The following IL1RAPL2 variants were observed in gnomAD, a reference collection of about 807,000 sequenced individuals.
IL1RAPL2 encodes interleukin 1 receptor accessory protein like 2.
A neutral mutation model predicts 44.1 loss-of-function variants in IL1RAPL2; 3 were observed. That is an observed-to-expected ratio of 0.07 (90% CI 0.03 to 0.18). The LOEUF (loss-of-function observed/expected upper bound fraction) is 0.18, where lower values mean the gene tolerates loss of function less well. Among genes scored for constraint, IL1RAPL2 ranks in the 10% least tolerant of loss-of-function variants. The pLI is 1.00. For missense variants in IL1RAPL2, 391 were observed against 496.4 expected (o/e 0.79, Z 2.02); for synonymous variants, 181 against 178.8 (o/e 1.01, Z -0.10).
chrX:104,778,104 A>G (rs1262879682), intron 2 of IL1RAPL2, among the ~76,000 whole-genome samples: 1 of 110,908 alleles, frequency 9.0e-6, no homozygotes, highest in Non-Finnish European at 1.9e-5. Context: ...TAGTAATATT[A>G]AGCATCTTTT....
intron 2 of IL1RAPL2, among the ~76,000 whole-genome samples, chrX:105,072,485 G>A (rs2032220498): frequency 9.0e-6 from 1 of 111,295 alleles, no homozygotes; most frequent in South Asian, 3.8e-4. Flanking sequence ...AAGACAGGAA[G>A]ATGTGGGAAA....
chrX:105,684,501 G>C (rs1216085287), intron 6 of IL1RAPL2, among the ~76,000 whole-genome samples: 1 of 112,600 alleles, frequency 8.9e-6, no homozygotes, highest in African/African-American at 3.2e-5. Context: ...CGTTGCTGAG[G>C]CTTGAGTAGG....
chrX:105,460,115 C>T (rs1023919341), intron 5 of IL1RAPL2, among the ~76,000 whole-genome samples: 3 of 111,135 alleles, frequency 2.7e-5, no homozygotes, highest in African/African-American at 9.8e-5. Context: ...ATGTCTTCAG[C>T]ACCTGCCCAT....
chrX:104,656,769 G>T (rs1298313066), intron 1 of IL1RAPL2, among the ~76,000 whole-genome samples: 2 of 111,560 alleles, frequency 1.8e-5, no homozygotes, highest in Non-Finnish European at 3.8e-5. Context: ...AATATTGACA[G>T]TGGGGTGTTA....
intron 1 of IL1RAPL2, among the ~76,000 whole-genome samples, chrX:104,582,823 TC>T (rs199756496): frequency 1.0e-3 from 6 of 5,861 alleles, no homozygotes; most frequent in African/African-American, 7.4e-3. Context: ...CCTTTCTTTC[TC>T]TTTCTTTCTT....
intron 6 of IL1RAPL2, among the ~76,000 whole-genome samples, chrX:105,516,132 T>C (rs889307814): frequency 3.6e-5 from 4 of 112,091 alleles, no homozygotes; most frequent in African/African-American, 1.3e-4. Flanking sequence ...ACATTTCCTT[T>C]TGAATGTATA....
chrX:104,908,094 A>AAAC (rs1299021286), intron 2 of IL1RAPL2, among the ~76,000 whole-genome samples: 21 of 109,973 alleles, frequency 1.9e-4, no homozygotes, highest in African/African-American at 6.3e-4. Flanking sequence ...TGTTGGTTTA[A>AAAC]AGTCTGTTTT....
At chrX:104,975,651 A>G (rs1189701485) in intron 2 of IL1RAPL2, among the ~76,000 whole-genome samples, 1 of 112,495 alleles carries the variant, frequency 8.9e-6, no homozygotes, top group Admixed American at 9.4e-5. Context: ...CACACATAGA[A>G]ATTGGCATAT....
chrX:104,776,780 T>G (rs1358492363), intron 2 of IL1RAPL2, among the ~76,000 whole-genome samples: 1 of 112,081 alleles, frequency 8.9e-6, no homozygotes, highest in Non-Finnish European at 1.9e-5. Context: ...CTACACCCAC[T>G]TTTTCCTGTT....
intron 5 of IL1RAPL2, among the ~76,000 whole-genome samples, chrX:105,462,554 A>T (rs1482421880): frequency 9.0e-6 from 1 of 111,458 alleles, no homozygotes; most frequent in African/African-American, 3.3e-5. Context: ...AGAGAAAAAA[A>T]GTGTCTTCTT....
chrX:104,641,624 G>A (rs1340135124), intron 1 of IL1RAPL2, among the ~76,000 whole-genome samples: 1 of 111,616 alleles, frequency 9.0e-6, no homozygotes, highest in East Asian at 2.8e-4. Context: ...CCAGATGCAG[G>A]AGTCCCCACT....
At chrX:104,800,501 A>G (rs1320860558) in intron 2 of IL1RAPL2, among the ~76,000 whole-genome samples, 1 of 112,191 alleles carries the variant, frequency 8.9e-6, no homozygotes, top group Non-Finnish European at 1.9e-5. Flanking sequence ...TCAAAGATAG[A>G]ATTAATAAGA....
At chrX:104,626,677 T>TAA (rs367629399) in intron 1 of IL1RAPL2, among the ~76,000 whole-genome samples, 1 of 105,160 alleles carries the variant, frequency 9.5e-6, no homozygotes, top group Non-Finnish European at 2.0e-5. Flanking sequence ...CTATAACTCA[T>TAA]AAAAAAAAAA....
chrX:105,693,694 G>T lies in IL1RAPL2; in HGVS notation c.773-23673G>T, dbSNP rs1398713221. On this transcript the variant is annotated intron_variant, in intron 6 of 10. Transcript: ENST00000372582. ...AGATTATTCTAGATTATCTGGGTGG[G>T]CCCAATCCAATCACAACAGTCCTTA... 2.7e-5 allele frequency among the ~76,000 whole-genome samples: 3 copies of T among 111,566 alleles called. No individual in the cohort carries two copies. In the East Asian group the frequency reaches 8.5e-4, roughly 32 times the overall value.
At chrX:104,946,663 G>C (rs62602941) in intron 2 of IL1RAPL2, among the ~76,000 whole-genome samples, 32,583 of 96,413 alleles carry the variant, frequency 0.34, 5,407 homozygotes, top group Non-Finnish European at 0.45. Context: ...AGAATATGCG[G>C]TGTTTGGTTT....
chrX:105,588,327 A>G (rs770763496), intron 6 of IL1RAPL2, among the ~76,000 whole-genome samples: 1 of 111,734 alleles, frequency 8.9e-6, no homozygotes, highest in African/African-American at 3.2e-5. Flanking sequence ...AAACTGTGAT[A>G]AAAAACTTTA....
At chrX:105,143,060 C>A (rs757340390) in intron 2 of IL1RAPL2, among the ~76,000 whole-genome samples, 3 of 111,137 alleles carry the variant, frequency 2.7e-5, no homozygotes, top group Non-Finnish European at 5.7e-5. Context: ...CAAGTCTTTG[C>A]TATTGTGAAC....
chrX:104,733,357 C>T (rs965287444), intron 2 of IL1RAPL2, among the ~76,000 whole-genome samples: 11 of 110,647 alleles, frequency 9.9e-5, no homozygotes, highest in South Asian at 3.8e-4. Context: ...TTTGCGAGGC[C>T]GAGGTGGGCG....
intron 1 of IL1RAPL2, among the ~76,000 whole-genome samples, chrX:104,595,421 T>C (rs1928746124): frequency 9.0e-6 from 1 of 110,965 alleles, no homozygotes. Context: ...ATGGTGGTAG[T>C]GGTGGTGATG....
Sources: gnomAD v4.1 joint callset for allele counts (sites outside exome capture counted in the v4.1 genomes callset) on GRCh38, gnomAD v4.1.1 for gene constraint, MANE v1.5 for transcripts, NCBI Gene and HGNC (gene_info 2026-07-23, HGNC 2026-07-21) for gene names.